SVOPL: variants seen among roughly 807,000 people sequenced by gnomAD.
SVOPL encodes the protein SVOP like.
SVOPL carries 60 observed loss-of-function variants against 61.0 expected under a neutral mutation model. The ratio of observed to expected loss-of-function variants is 0.98; its 90% confidence interval spans 0.80 to 1.22. The LOEUF (loss-of-function observed/expected upper bound fraction) is 1.22, where lower values mean the gene tolerates loss of function less well. Among genes scored for constraint, SVOPL ranks in the 50% most tolerant of loss-of-function variants. The pLI is 0.00. For missense variants in SVOPL, 662 were observed against 643.9 expected (o/e 1.03, Z -0.30); for synonymous variants, 279 against 250.0 (o/e 1.12, Z -1.09).
chr7:138,678,207 T>C (rs950464491), intron 3 of SVOPL, among the ~76,000 whole-genome samples: 4 of 152,066 alleles, frequency 2.6e-5, no homozygotes, highest in African/African-American at 9.7e-5. Flanking sequence ...TGTTTTGAAT[T>C]TGAATTGTCC....
chr7:138,638,748 T>C (rs1360700051), intron 9 of SVOPL, among the ~76,000 whole-genome samples: 2 of 152,040 alleles, frequency 1.3e-5, no homozygotes, highest in African/African-American at 4.8e-5. Context: ...GCAAATAATA[T>C]TAAATATTGC....
intron 15 of SVOPL, 49 bp from the exon 16 acceptor site, chr7:138,594,670 T>A: frequency 7.1e-7 from 1 of 1,401,488 alleles, no homozygotes; most frequent in Non-Finnish European, 9.7e-7. Flanking sequence ...TTAAAAGTCT[T>A]GTCCATTCAT....
chr7:138,636,129 C>T (rs1800457937), intron 9 of SVOPL, among the ~76,000 whole-genome samples: 1 of 151,982 alleles, frequency 6.6e-6, no homozygotes, highest in South Asian at 2.1e-4. Context: ...GAGGTTTCAC[C>T]ATGTTGGTCA....
rs1799629425 is a variant in SVOPL at position 138,622,038 on chromosome 7, G to GTATCTATCTATCTATGTATC, written c.1264-923_1264-904dup. On this transcript the variant is annotated intron_variant, in intron 13 of 15. Coordinates refer to ENST00000674285, the MANE Select transcript of SVOPL (RefSeq NM_001139456.2). ...TCTATGTATCTATCTATCTATCTAT[G>GTATCTATCTATCTATGTATC]TATCTATCTATCTATGTATCTATCT... 6.1e-4 allele frequency among the ~76,000 whole-genome samples: 6 copies of GTATCTATCTATCTATGTATC among 9,810 alleles called. 1 individual carries two copies. Among genetic ancestry groups the GTATCTATCTATCTATGTATC allele is most frequent in the East Asian group, 0.014 (2 of 138 alleles). The allele number at this position is 9,810 out of a possible 152,430, so 6.4% of individuals were successfully genotyped here.
intron 15 of SVOPL, among the ~76,000 whole-genome samples, chr7:138,594,842 T>C (rs1798213129): frequency 6.6e-6 from 1 of 152,038 alleles, no homozygotes; most frequent in Non-Finnish European, 1.5e-5. Context: ...TTTATACATA[T>C]ACATACATTA....
Position 138,649,141 on chromosome 7 carries a change from G to C in SVOPL, c.535-4C>G. 6.2e-7 allele frequency: 1 copy of C among 1,607,052 alleles called. No individual in the cohort carries two copies. Among genetic ancestry groups the C allele is most frequent in the Non-Finnish European group, 8.5e-7 (1 of 1,177,342 alleles). ...GGGAGCCCGCAAGCCAGAACACCTA[G>C]GAAGAGAGAAGTCCAGGATTAAAGT... On this transcript the variant is annotated splice_polypyrimidine_tract_variant and splice_region_variant and intron_variant, in intron 7 of 15. Coordinates refer to ENST00000674285, the MANE Select transcript of SVOPL (RefSeq NM_001139456.2).
chr7:138,679,115 A>G, intron 1 of SVOPL, 36 bp from the exon 2 acceptor site: 1 of 1,410,508 alleles, frequency 7.1e-7, no homozygotes, highest in Non-Finnish European at 9.8e-7. Context: ...GGAAAGAAAT[A>G]TAATGGTTAT....
chr7:138,611,361 G>A (rs1303818647), intron 14 of SVOPL, among the ~76,000 whole-genome samples: 1 of 152,124 alleles, frequency 6.6e-6, no homozygotes, highest in African/African-American at 2.4e-5. Flanking sequence ...CTAGGCGACA[G>A]AGCAAGACTC....
intron 5 of SVOPL, chr7:138,660,887 C>T (rs1211225099): frequency 3.0e-6 from 3 of 985,116 alleles, no homozygotes; most frequent in Non-Finnish European, 3.6e-6. Flanking sequence ...ATGTCCATTT[C>T]AACGGTGCAG....
intron 6 of SVOPL, among the ~76,000 whole-genome samples, chr7:138,658,878 C>A (rs1554470652): frequency 6.6e-6 from 1 of 151,684 alleles, no homozygotes; most frequent in Non-Finnish European, 1.5e-5. Context: ...GCCCCCCCGC[C>A]CCAACCCCAA....
At chr7:138,666,581 C>A (rs73460936) in intron 4 of SVOPL, among the ~76,000 whole-genome samples, 19,925 of 152,112 alleles carry the variant, frequency 0.13, 1,769 homozygotes, top group African/African-American at 0.25. Context: ...ACAACCCAGA[C>A]CACTACAGTG....
intron 14 of SVOPL, among the ~76,000 whole-genome samples, chr7:138,610,522 G>A (rs1798953415): frequency 6.6e-6 from 1 of 151,922 alleles, no homozygotes; most frequent in Non-Finnish European, 1.5e-5. Context: ...TGTGTTTTCA[G>A]GATGGAAGAA....
intron 1 of SVOPL, among the ~76,000 whole-genome samples, chr7:138,681,484 A>G (rs1802699852): frequency 6.6e-6 from 1 of 152,054 alleles, no homozygotes; most frequent in Non-Finnish European, 1.5e-5. Context: ...AGCCTATAGC[A>G]TGGGCAATAT....
chr7:138,597,369 C>T (rs2116731515), intron 14 of SVOPL: 1 of 455,654 alleles, frequency 2.2e-6, no homozygotes, highest in Admixed American at 4.0e-5. Context: ...AATTACTTGT[C>T]CAAAGTCACA....
At chr7:138,662,078 G>T in intron 5 of SVOPL, 1 of 985,442 alleles carries the variant, frequency 1.0e-6, no homozygotes, top group Non-Finnish European at 1.2e-6. Context: ...GAGGTCTACA[G>T]TTTGGGTGGC....
chr7:138,645,427 A>G (rs1801051600), intron 8 of SVOPL, among the ~76,000 whole-genome samples: 1 of 152,128 alleles, frequency 6.6e-6, no homozygotes. Context: ...GCTCTTCCTC[A>G]GAAAAGCACC....
intron 5 of SVOPL, chr7:138,660,871 A>G (rs1388008109): frequency 3.0e-6 from 3 of 985,248 alleles, no homozygotes; most frequent in Admixed American, 1.2e-4. Context: ...CTTGCAAGTC[A>G]TGAAAATGTC....
At chr7:138,605,713 AG>A (rs1163407144) in intron 14 of SVOPL, among the ~76,000 whole-genome samples, 1 of 152,054 alleles carries the variant, frequency 6.6e-6, no homozygotes, top group Non-Finnish European at 1.5e-5. Flanking sequence ...AACCACAAAC[AG>A]TCCCAGTCAC....
At chr7:138,628,601 C>T (rs1800011867) in intron 10 of SVOPL, among the ~76,000 whole-genome samples, 1 of 152,148 alleles carries the variant, frequency 6.6e-6, no homozygotes, top group Non-Finnish European at 1.5e-5. Context: ...CACATATTTC[C>T]AGCTGTGATA....
Sources: allele counts gnomAD v4.1 joint callset (sites outside exome capture counted in the v4.1 genomes callset), GRCh38; gene constraint gnomAD v4.1.1; transcripts MANE v1.5; gene names NCBI Gene and HGNC (gene_info 2026-07-23, HGNC 2026-07-21).